C8orf34: variants seen among roughly 807,000 people sequenced by gnomAD.
The protein encoded by C8orf34 is uncharacterized protein C8orf34.
In C8orf34, 65 loss-of-function variants were observed where a neutral mutation model predicts 68.3. That is an observed-to-expected ratio of 0.95 (90% CI 0.78 to 1.17). C8orf34 has a LOEUF of 1.17. Among genes scored for constraint, C8orf34 ranks in the 50% most tolerant of loss-of-function variants. C8orf34 has a pLI of 0.00. For missense variants in C8orf34, 664 were observed against 655.4 expected, an observed-to-expected ratio of 1.01 and a Z score of -0.14; for synonymous variants, 244 against 241.2, an observed-to-expected ratio of 1.01 and a Z score of -0.11.
chr8:68,586,404 T>C (rs1351734478), intron 7 of C8orf34, among the ~76,000 whole-genome samples: 1 of 152,200 alleles, frequency 6.6e-6, no homozygotes. Flanking sequence ...ATGATTTCAT[T>C]ATTAGTATTA....
At chr8:68,632,895 A>T (rs1818733807) in intron 7 of C8orf34, among the ~76,000 whole-genome samples, 1 of 152,114 alleles carries the variant, frequency 6.6e-6, no homozygotes, top group Admixed American at 6.6e-5. Flanking sequence ...ATGTATGGAG[A>T]TGTCTGAATG....
Position 68,405,030 on chromosome 8 carries a change from T to C in C8orf34, c.328-34469T>C, listed in dbSNP as rs1426397505. 2.0e-5 allele frequency among the ~76,000 whole-genome samples: 3 copies of C among 152,218 alleles called. No homozygotes were observed. In the East Asian group the frequency reaches 5.8e-4, roughly 29 times the overall value. Reference sequence around the variant, plus strand: ...AATGTTTTTCCATTTGTTTGTGTCCTCTCTTATTTCCTTGAGCAGTTGTTT... The same window carrying C: ...AATGTTTTTCCATTTGTTTGTGTCCCCTCTTATTTCCTTGAGCAGTTGTTT... On this transcript the variant is annotated intron_variant, in intron 1 of 13. Transcript: ENST00000518698.
At chr8:68,664,567 T>C (rs187602671) in intron 8 of C8orf34, among the ~76,000 whole-genome samples, 1 of 152,314 alleles carries the variant, frequency 6.6e-6, no homozygotes, top group East Asian at 1.9e-4. Flanking sequence ...GATGATTTTG[T>C]CAAACTGTAG....
At chr8:68,396,990 A>T (rs556314781) in intron 1 of C8orf34, among the ~76,000 whole-genome samples, 62 of 152,052 alleles carry the variant, frequency 4.1e-4, no homozygotes, top group African/African-American at 1.3e-3. Context: ...TTTTGTTTTT[A>T]AAAAATTTTT....
intron 10 of C8orf34, among the ~76,000 whole-genome samples, chr8:68,744,263 A>G (rs527957105): frequency 1.3e-5 from 2 of 151,866 alleles, no homozygotes; most frequent in South Asian, 4.1e-4. Flanking sequence ...CCAAAAGTAG[A>G]TAAAACCACA....
chr8:68,457,390 G>T (rs1811598230), intron 3 of C8orf34, among the ~76,000 whole-genome samples: 1 of 152,020 alleles, frequency 6.6e-6, no homozygotes, highest in South Asian at 2.1e-4. Flanking sequence ...GTAGTACTGG[G>T]GATATTTCCT....
intron 7 of C8orf34, among the ~76,000 whole-genome samples, chr8:68,600,077 T>C (rs990282459): frequency 1.3e-5 from 2 of 152,114 alleles, no homozygotes; most frequent in Non-Finnish European, 2.9e-5. Flanking sequence ...TACCAAATTA[T>C]GACAAGTATG....
At chr8:68,493,328 C>T (rs546816959) in intron 5 of C8orf34, among the ~76,000 whole-genome samples, 13 of 152,214 alleles carry the variant, frequency 8.5e-5, no homozygotes, top group African/African-American at 3.1e-4. Context: ...ATTGAGTAGA[C>T]ATTTCTCCAA....
At chr8:68,511,701 AT>A (rs1814284098) in intron 5 of C8orf34, among the ~76,000 whole-genome samples, 1 of 152,210 alleles carries the variant, frequency 6.6e-6, no homozygotes, top group African/African-American at 2.4e-5. Flanking sequence ...GGTTCACTAA[AT>A]TTAACAATGC....
At chr8:68,523,088 A>G (rs770710297) in intron 6 of C8orf34, among the ~76,000 whole-genome samples, 5 of 152,214 alleles carry the variant, frequency 3.3e-5, no homozygotes, top group Non-Finnish European at 7.3e-5. Context: ...TTCCATGAGA[A>G]ATAACTTTTA....
intron 6 of C8orf34, chr8:68,525,751 A>C (rs1373258845): frequency 1.6e-6 from 1 of 629,222 alleles, no homozygotes; most frequent in Non-Finnish European, 3.0e-6. Context: ...TGTGATCATC[A>C]ATGATTTTAG....
At chr8:68,494,371 A>T (rs1460951490) in intron 5 of C8orf34, among the ~76,000 whole-genome samples, 1 of 152,066 alleles carries the variant, frequency 6.6e-6, no homozygotes, top group Admixed American at 6.6e-5. Flanking sequence ...AGCTGAGGGG[A>T]AGGGGAAATG....
chr8:68,560,628 C>T (rs928405533), intron 7 of C8orf34, among the ~76,000 whole-genome samples: 1 of 152,158 alleles, frequency 6.6e-6, no homozygotes, highest in Non-Finnish European at 1.5e-5. Flanking sequence ...ACATGTTATT[C>T]TACTGAATAC....
rs151165642 is a variant in C8orf34, at chr8:68,380,392, T to C, written c.327+49053T>C. The stretch of plus-strand genomic sequence containing the variant: ...AATAAAAGAGGCTTGAAGAGAAACC[T>C]AGCATTTAATTATGCTTAATTGTCA... On this transcript the variant is annotated intron_variant, in intron 1 of 13. Transcript: ENST00000518698. 1.1e-3 allele frequency among the ~76,000 whole-genome samples: 169 copies of C among 152,382 alleles called. 1 individual carries two copies. Among genetic ancestry groups the C allele is most frequent in the African/African-American group, 4.0e-3 (167 of 41,602 alleles).
intron 5 of C8orf34, among the ~76,000 whole-genome samples, chr8:68,515,734 G>A (rs1814484369): frequency 6.6e-6 from 1 of 152,138 alleles, no homozygotes; most frequent in Admixed American, 6.5e-5. Flanking sequence ...GTAATATAAA[G>A]TTTTTGGGAA....
chr8:68,755,716 C>G (rs971352589), intron 10 of C8orf34, among the ~76,000 whole-genome samples: 2 of 152,156 alleles, frequency 1.3e-5, no homozygotes, highest in Admixed American at 6.5e-5. Flanking sequence ...GGAACTGTAT[C>G]CTTCACATTC....
intron 10 of C8orf34, among the ~76,000 whole-genome samples, chr8:68,751,392 G>A (rs767321838): frequency 1.3e-5 from 2 of 152,178 alleles, no homozygotes; most frequent in Non-Finnish European, 2.9e-5. Flanking sequence ...ACAGCAACAA[G>A]TTTCAGAGAA....
chr8:68,770,601 T>C (rs1249859940), intron 10 of C8orf34, among the ~76,000 whole-genome samples: 1 of 152,202 alleles, frequency 6.6e-6, no homozygotes, highest in Non-Finnish European at 1.5e-5. Flanking sequence ...AAGTCACCAC[T>C]CTTCCAAATA....
chr8:68,367,912 G>GAAAAAAAAAAAAATAAAAAAAAAAA (rs1807365949), intron 1 of C8orf34, among the ~76,000 whole-genome samples: 1 of 79,116 alleles, frequency 1.3e-5, no homozygotes, highest in Admixed American at 1.7e-4. Flanking sequence ...AAAAAGAAAA[G>GAAAAAAAAAAAAATAAAAAAAAAAA]AAAAAAAAAA....
Sources: allele counts gnomAD v4.1 joint callset (sites outside exome capture counted in the v4.1 genomes callset), GRCh38; gene constraint gnomAD v4.1.1; transcripts MANE v1.5; gene names NCBI Gene and HGNC (gene_info 2026-07-23, HGNC 2026-07-21).